The following MROH1 variants were observed in gnomAD, a reference collection of about 807,000 sequenced individuals.
MROH1 encodes the protein maestro heat-like repeat-containing protein family member 1.
In MROH1, 117 loss-of-function variants were observed where a neutral mutation model predicts 116.5. The observed-to-expected ratio is 1.00, with a 90% CI of 0.86 to 1.17. MROH1 has a LOEUF of 1.17. MROH1 is among the 50% of genes most tolerant of loss of function. MROH1 has a pLI of 0.00. For synonymous variants in MROH1, 921 were observed against 583.9 expected (o/e 1.58, Z -8.32); for missense variants, 1,873 against 1,338.5 (o/e 1.40, Z -6.23).
chr8:144,162,027 T>G (rs922349834), intron 2 of MROH1, among the ~76,000 whole-genome samples: 2 of 152,158 alleles, frequency 1.3e-5, no homozygotes, highest in African/African-American at 4.8e-5. Flanking sequence ...CCTCTTCAGC[T>G]CTTAACTCTT....
chr8:144,232,076 G>A (rs1390068365), intron 14 of MROH1, among the ~76,000 whole-genome samples: 1 of 152,184 alleles, frequency 6.6e-6, no homozygotes, highest in Admixed American at 6.5e-5. Flanking sequence ...ATGTACAATA[G>A]ATTATACTAT....
At chr8:144,186,462 T>C (rs955405190) in intron 7 of MROH1, among the ~76,000 whole-genome samples, 1 of 152,004 alleles carries the variant, frequency 6.6e-6, no homozygotes, top group African/African-American at 2.4e-5. Flanking sequence ...ACAAAAGAGA[T>C]CCAGGGACCA....
At chr8:144,167,092 C>G (rs566918595) in intron 3 of MROH1, among the ~76,000 whole-genome samples, 158 of 152,304 alleles carry the variant, frequency 1.0e-3, no homozygotes, top group African/African-American at 3.7e-3. Context: ...CCTGGGATGT[C>G]CTCGTTGGCA....
At position 144,260,767 on chromosome 8, in the gene MROH1, C is replaced by T. The variant is rs1386891228; in HGVS notation, c.4471C>T (p.Gln1491Ter). The T allele has an allele frequency of 1.3e-6, 1 of 778,932 alleles. No homozygotes were observed. The highest frequency in any genetic ancestry group is 1.7e-5 in the African/African-American group (1 of 59,152). The allele number at this position is 778,932 out of a possible 1,614,324, so 48.3% of individuals were successfully genotyped here. A position where few individuals can be genotyped will look rare whatever the true frequency, so the allele number is the denominator to read the frequency against. Residue 1491 changes from glutamine to a stop codon, truncating the protein, a stop_gained, in exon 40 of 44, where the codon CAG becomes TAG. Coordinates refer to ENST00000326134, the MANE Select transcript of MROH1 (RefSeq NM_032450.3). LOFTEE classifies it high-confidence loss of function. ...AGACTGTGAGGACGTCTTCCTGGAC[C>T]AGGTGGTGGGCGGGCTGGCGCCCCT... The part of the protein sequence containing the change: ...HGDCEDVFLD[Q>*]VVGGLAPLLL...
Position 144,180,521 on chromosome 8 carries a change from C to G in MROH1, c.560C>G (p.Ser187Cys), listed in dbSNP as rs572871784. The change falls in exon 7 of 44, where the codon TCC becomes TGC. Residue 187 changes from serine to cysteine, a missense_variant and splice_region_variant. Transcript: ENST00000326134. The surrounding 1 kb of genome is among the most constrained non-coding windows in gnomAD (Gnocchi z 7.4). ...KQDTVRVAFC[S>C]ALQRFSEGAL... ...GACACGGTGCGCGTGGCCTTCTGCTCCGGTAAGAGGCGGCCTCGTCACCTT... is the reference window on the plus strand; with the variant it reads ...GACACGGTGCGCGTGGCCTTCTGCTGCGGTAAGAGGCGGCCTCGTCACCTT... The G allele has an allele frequency of 2.7e-5, 43 of 1,609,090 alleles. No individual in the cohort carries two copies. The Middle Eastern group carries it at 8.3e-4, about 31-fold the overall frequency.
chr8:144,202,018 C>CAAAAA (rs1360553214), intron 12 of MROH1, among the ~76,000 whole-genome samples: 1 of 147,174 alleles, frequency 6.8e-6, no homozygotes, highest in African/African-American at 2.5e-5. Context: ...ACTCCGTCTC[C>CAAAAA]AAAAAAAAAA....
intron 4 of MROH1, among the ~76,000 whole-genome samples, chr8:144,171,370 G>A (rs191293731): frequency 6.1e-4 from 93 of 152,332 alleles, no homozygotes; most frequent in African/African-American, 2.0e-3. Flanking sequence ...TGGAGGAGAC[G>A]CTTGGGCAGG....
chr8:144,164,093 CTTTTTTTTTT>C (rs776748346), intron 3 of MROH1, among the ~76,000 whole-genome samples: 1 of 135,250 alleles, frequency 7.4e-6, no homozygotes, highest in Non-Finnish European at 1.6e-5. Flanking sequence ...GTTTGTTTTA[CTTTTTTTTTT>C]TTTTTTTTAA....
intron 10 of MROH1, among the ~76,000 whole-genome samples, chr8:144,196,450 A>C (rs1188344398): frequency 6.6e-6 from 1 of 151,236 alleles, no homozygotes; most frequent in African/African-American, 2.4e-5. Context: ...TCTGCCTCCC[A>C]GGTTCAAGTC....
intron 14 of MROH1, among the ~76,000 whole-genome samples, chr8:144,235,403 A>G (rs1839884361): frequency 6.6e-6 from 1 of 152,182 alleles, no homozygotes; most frequent in Non-Finnish European, 1.5e-5. Context: ...GTTGAATAAA[A>G]TCGGTGCGAG....
intron 12 of MROH1, among the ~76,000 whole-genome samples, chr8:144,216,302 A>G (rs540458505): frequency 1.3e-5 from 2 of 151,284 alleles, no homozygotes; most frequent in South Asian, 4.2e-4. Context: ...GTGAAACCCC[A>G]TCTCTACTAA....
chr8:144,151,202 T>G (rs1376621365), intron 1 of MROH1, among the ~76,000 whole-genome samples: 3 of 135,456 alleles, frequency 2.2e-5, no homozygotes, highest in Non-Finnish European at 4.5e-5. Flanking sequence ...GAGCCGAGAT[T>G]GCGCCATTGC....
In MROH1 at chr8:144,260,074, C is replaced by T; in HGVS notation, c.4191+17C>T. 1 of 730,542 alleles carries T rather than the reference C, an allele frequency of 1.4e-6. No homozygotes were observed. Among genetic ancestry groups the T allele is most frequent in the Non-Finnish European group, 2.5e-6 (1 of 401,488 alleles). 45.3% of individuals were successfully genotyped at this position (730,542 alleles called of 1,614,324 possible). ...CCTGACAAGGTGGGGTGGCCACCAG[C>T]CCCTCTGGGTCCCAGGCAGCATGGG... is the stretch of plus-strand genomic sequence containing the variant. On this transcript the variant is annotated intron_variant, in intron 38 of 43. Transcript: ENST00000326134.
At chr8:144,190,984 C>A in intron 8 of MROH1, 49 bp downstream of exon 8, 1 of 1,563,142 alleles carries the variant, frequency 6.4e-7, no homozygotes, top group Non-Finnish European at 8.7e-7. Flanking sequence ...GGGCTCTCTC[C>A]TCCCCACATT....
chr8:144,259,201 A>G, intron 36 of MROH1, 39 bp from the exon 37 acceptor site: 1 of 703,188 alleles, frequency 1.4e-6, no homozygotes, highest in Non-Finnish European at 2.6e-6. Context: ...GGTTCAGCAC[A>G]GCAACAGCCC....
intron 4 of MROH1, among the ~76,000 whole-genome samples, chr8:144,176,718 A>C (rs1055409203): frequency 0.013 from 56 of 4,426 alleles, 1 homozygote; most frequent in Non-Finnish European, 0.02. Flanking sequence ...AGTCCCAGCT[A>C]CTCGGGAGGC....
chr8:144,200,759 T>C (rs1406026778), intron 12 of MROH1: 6 of 542,510 alleles, frequency 1.1e-5, no homozygotes, highest in Non-Finnish European at 2.0e-5. Flanking sequence ...TCACACTTGC[T>C]TTGACAGCTG....
chr8:144,223,374 G>T, intron 14 of MROH1, 144 bp downstream of exon 14: 1 of 1,098,152 alleles, frequency 9.1e-7, no homozygotes, highest in Non-Finnish European at 1.3e-6. Flanking sequence ...GCTGTCTTTT[G>T]TTTAATAGAG....
intron 10 of MROH1, among the ~76,000 whole-genome samples, chr8:144,194,038 A>G (rs1200124541): frequency 1.3e-5 from 2 of 151,560 alleles, no homozygotes; most frequent in South Asian, 2.1e-4. Context: ...TCTGAGTTCA[A>G]TCAATGCAGA....
Sources: gnomAD v4.1 joint callset for allele counts (sites outside exome capture counted in the v4.1 genomes callset) on GRCh38, gnomAD v4.1.1 for gene constraint, Gnocchi (gnomAD v3.1) non-coding constraint, MANE v1.5 for transcripts, NCBI Gene and HGNC (gene_info 2026-07-23, HGNC 2026-07-21) for gene names.